PRKCB: variants seen among roughly 807,000 people sequenced by gnomAD.
The protein encoded by PRKCB is protein kinase C beta, also known as protein kinase C beta type.
PRKCB carries 13 observed loss-of-function variants against 81.5 expected under a neutral mutation model. The ratio of observed to expected loss-of-function variants is 0.16; its 90% CI spans 0.10 to 0.25. The LOEUF is 0.25. Ranked by LOEUF, PRKCB falls within the 10% of genes least tolerant of loss-of-function variation. PRKCB has a pLI of 1.00. For synonymous variants in PRKCB, 335 were observed against 321.4 expected (o/e 1.04, Z -0.45); for missense variants, 509 against 875.7 (o/e 0.58, Z 5.29).
At chr16:24,086,716 G>A (rs1383638655) in intron 5 of PRKCB, among the ~76,000 whole-genome samples, 1 of 152,162 alleles carries the variant, frequency 6.6e-6, no homozygotes, top group Non-Finnish European at 1.5e-5. Context: ...GATGGATAAA[G>A]CTAAAATCTT....
At chr16:23,941,971 G>A (rs923812544) in intron 2 of PRKCB, among the ~76,000 whole-genome samples, 1 of 152,116 alleles carries the variant, frequency 6.6e-6, no homozygotes, top group African/African-American at 2.4e-5. Context: ...CTATTCACAG[G>A]TTATATTATT....
At chr16:24,115,179 T>C (rs889744706) in intron 8 of PRKCB, among the ~76,000 whole-genome samples, 2 of 152,154 alleles carry the variant, frequency 1.3e-5, no homozygotes, top group African/African-American at 4.8e-5. Context: ...AGGGCTGTGC[T>C]GGCCTTGACA....
intron 2 of PRKCB, among the ~76,000 whole-genome samples, chr16:23,860,259 G>A (rs1567292483): frequency 6.6e-6 from 1 of 152,116 alleles, no homozygotes. Context: ...TACTATAAAT[G>A]TTGTCACCTA....
intron 16 of PRKCB, among the ~76,000 whole-genome samples, chr16:24,213,610 A>G (rs377308024): frequency 6.6e-6 from 1 of 152,212 alleles, no homozygotes; most frequent in African/African-American, 2.4e-5. Flanking sequence ...CATAATTGTT[A>G]TTACTCCTAC....
intron 2 of PRKCB, among the ~76,000 whole-genome samples, chr16:23,878,199 C>T (rs1260616464): frequency 1.3e-5 from 2 of 152,162 alleles, no homozygotes; most frequent in Non-Finnish European, 2.9e-5. Context: ...AATTAATAAA[C>T]ACTGAACCAT....
At chr16:23,903,795 C>A (rs1344539515) in intron 2 of PRKCB, among the ~76,000 whole-genome samples, 16 of 152,140 alleles carry the variant, frequency 1.1e-4, no homozygotes, top group Non-Finnish European at 2.9e-5. Flanking sequence ...AATGTCTCCC[C>A]CTTTGACAGG....
intron 9 of PRKCB, among the ~76,000 whole-genome samples, chr16:24,129,366 TA>T (rs1966849690): frequency 6.6e-6 from 1 of 151,904 alleles, no homozygotes; most frequent in South Asian, 2.1e-4. Context: ...TCTATAACCA[TA>T]AAGAAGCTGA....
intron 5 of PRKCB, among the ~76,000 whole-genome samples, chr16:24,075,062 T>G (rs573785075): frequency 3.4e-5 from 5 of 148,954 alleles, no homozygotes; most frequent in Non-Finnish European, 5.9e-5. Flanking sequence ...GAGACTACAG[T>G]GAGTCATGAT....
chr16:23,876,932 G>A (rs920143821), intron 2 of PRKCB, among the ~76,000 whole-genome samples: 3 of 152,044 alleles, frequency 2.0e-5, no homozygotes, highest in Non-Finnish European at 2.9e-5. Context: ...TTGGTTGCAA[G>A]TAACATAAAT....
At chr16:23,863,000 T>C (rs1962700511) in intron 2 of PRKCB, among the ~76,000 whole-genome samples, 1 of 151,424 alleles carries the variant, frequency 6.6e-6, no homozygotes, top group Non-Finnish European at 1.5e-5. Context: ...AACAGAGTAA[T>C]TAAGAAAATT....
chr16:24,186,542 C>T (rs746993021), intron 15 of PRKCB, among the ~76,000 whole-genome samples: 13 of 152,216 alleles, frequency 8.5e-5, no homozygotes, highest in Non-Finnish European at 1.2e-4. Flanking sequence ...AGAACATGGC[C>T]GTGCCTTAAT....
intron 2 of PRKCB, among the ~76,000 whole-genome samples, chr16:23,950,542 A>C (rs931970313): frequency 2.0e-5 from 3 of 152,222 alleles, no homozygotes; most frequent in Non-Finnish European, 2.9e-5. Flanking sequence ...AGACAAGTTG[A>C]TTAACCTCTC....
chr16:23,997,529 A>G (rs1964976328), intron 3 of PRKCB, among the ~76,000 whole-genome samples: 1 of 152,248 alleles, frequency 6.6e-6, no homozygotes, highest in African/African-American at 2.4e-5. Flanking sequence ...CCAGTTACAG[A>G]AACAAGGACT....
chr16:23,982,800 C>T (rs1420675658), intron 2 of PRKCB, among the ~76,000 whole-genome samples: 1 of 152,108 alleles, frequency 6.6e-6, no homozygotes, highest in African/African-American at 2.4e-5. Context: ...ACATCTTTTT[C>T]ATTCTCTGCT....
At chr16:24,035,002 A>T (rs1422115135) in intron 4 of PRKCB, among the ~76,000 whole-genome samples, 1 of 152,202 alleles carries the variant, frequency 6.6e-6, no homozygotes, top group Non-Finnish European at 1.5e-5. Context: ...AGATTCCTGC[A>T]TACGTTGAGA....
At chr16:24,037,277 C>G (rs1324689941) in intron 5 of PRKCB, among the ~76,000 whole-genome samples, 1 of 152,216 alleles carries the variant, frequency 6.6e-6, no homozygotes, top group African/African-American at 2.4e-5. Flanking sequence ...GTGTGAGCCA[C>G]TGCGCCCAAC....
At chr16:23,907,879 T>C (rs1279907090) in intron 2 of PRKCB, among the ~76,000 whole-genome samples, 1 of 152,182 alleles carries the variant, frequency 6.6e-6, no homozygotes, top group Non-Finnish European at 1.5e-5. Flanking sequence ...GGCCTGGCCA[T>C]GGATCCAGGA....
In PRKCB at chr16:24,218,313, G is replaced by A. The variant is rs530928600; in HGVS notation, c.*3497G>A. The A allele has an allele frequency of 5.7e-4, 557 of 985,308 alleles. No individual in the cohort carries two copies. Among genetic ancestry groups the A allele is most frequent in the Non-Finnish European group, 6.5e-4 (538 of 829,942 alleles). The allele number at this position is 985,308 out of a possible 1,614,324, so 61.0% of individuals were successfully genotyped here. A position where few individuals can be genotyped will look rare whatever the true frequency, so the allele number is the denominator to read the frequency against. On this transcript the variant is annotated 3_prime_UTR_variant, in exon 17 of 17. Transcript: ENST00000643927. ...GCATTCGAGCTTTGTTGTGAACACCGGAAGTAACATGCCGAGCGCCTGGGG... is the reference window on the plus strand; with the variant it reads ...GCATTCGAGCTTTGTTGTGAACACCAGAAGTAACATGCCGAGCGCCTGGGG...
chr16:23,980,625 T>G (rs751277302), intron 2 of PRKCB, among the ~76,000 whole-genome samples: 1 of 152,134 alleles, frequency 6.6e-6, no homozygotes, highest in Admixed American at 6.5e-5. Flanking sequence ...GTAATTCCTG[T>G]AGGTGATGGG....
Sources: gnomAD v4.1 joint callset for allele counts (sites outside exome capture counted in the v4.1 genomes callset) on GRCh38, gnomAD v4.1.1 for gene constraint, MANE v1.5 for transcripts, NCBI Gene and HGNC (gene_info 2026-07-23, HGNC 2026-07-21) for gene names.